The following PRKAA2 variants were observed in gnomAD, a reference collection of about 807,000 sequenced individuals.
PRKAA2 encodes 5'-AMP-activated protein kinase catalytic subunit alpha-2.
A neutral mutation model predicts 56.3 loss-of-function variants in PRKAA2; 40 were observed. That is an observed-to-expected ratio of 0.71 (90% CI 0.55 to 0.92). The LOEUF is 0.92. Among genes scored for constraint, PRKAA2 ranks in the 40% least tolerant of loss-of-function variants. PRKAA2 has a pLI of 0.00. For synonymous variants in PRKAA2, 214 were observed against 234.2 expected (o/e 0.91, Z 0.79); for missense variants, 542 against 686.9 (o/e 0.79, Z 2.36).
At chr1:56,685,353 T>C (rs548063621) in intron 2 of PRKAA2, among the ~76,000 whole-genome samples, 1 of 152,230 alleles carries the variant, frequency 6.6e-6, no homozygotes, top group African/African-American at 2.4e-5. Flanking sequence ...TTGATGACTA[T>C]AATGTGAAAA....
intron 2 of PRKAA2, among the ~76,000 whole-genome samples, chr1:56,682,144 C>T (rs1481448822): frequency 6.6e-6 from 1 of 152,006 alleles, no homozygotes; most frequent in Admixed American, 6.6e-5. Flanking sequence ...TATTGAGCAC[C>T]TACTATGGGT....
chr1:56,677,911 C>T (rs1644125175), intron 2 of PRKAA2, among the ~76,000 whole-genome samples: 1 of 152,176 alleles, frequency 6.6e-6, no homozygotes, highest in South Asian at 2.1e-4. Context: ...CCTGCCGCAG[C>T]CTCCCAAAGT....
At chr1:56,690,240 C>T (rs1032303762) in intron 2 of PRKAA2, among the ~76,000 whole-genome samples, 7 of 151,566 alleles carry the variant, frequency 4.6e-5, no homozygotes, top group East Asian at 1.9e-4. Context: ...CTTGGCTCAC[C>T]GCAAGCTCTG....
At chr1:56,676,656 C>T (rs1314917026) in intron 2 of PRKAA2, among the ~76,000 whole-genome samples, 1 of 152,146 alleles carries the variant, frequency 6.6e-6, no homozygotes, top group Admixed American at 6.5e-5. Context: ...TTCTTGAAAT[C>T]CTTAAATAAA....
At position 56,705,759 on chromosome 1, in the gene PRKAA2, C is replaced by T. The variant is rs567411014; in HGVS notation, c.1294-333C>T. On this transcript the variant is annotated intron_variant, in intron 7 of 8. Transcript: ENST00000371244. ...ACATGTTCAGGCAGAGACTGGACAA[C>T]CAAATTAGAATTGATGTTTTAGAGT... Among the ~76,000 whole-genome samples the T allele has an allele frequency of 2.5e-4, 38 of 152,268 alleles. 1 individual carries two copies. The highest frequency in any genetic ancestry group is 2.4e-3 in the Admixed American group (37 of 15,296).
intron 2 of PRKAA2, among the ~76,000 whole-genome samples, chr1:56,675,816 AT>A (rs1644109075): frequency 6.6e-6 from 1 of 152,202 alleles, no homozygotes; most frequent in South Asian, 2.1e-4. Flanking sequence ...AATGTGACAA[AT>A]AACAGTGTTT....
In PRKAA2 at chr1:56,712,917, C is replaced by A. The variant is rs1314417026; in HGVS notation, c.*5204C>A. The stretch of plus-strand genomic sequence containing the variant: ...CTGTCTAAATTGTTATAGTTTTTGA[C>A]TATTATCTGAATTAGTCTTATCCAA... On this transcript the variant is annotated 3_prime_UTR_variant, in exon 9 of 9. Transcript: ENST00000371244. 1.3e-5 allele frequency: 2 copies of A among 151,838 alleles called. No individual in the cohort carries two copies. The highest frequency in any genetic ancestry group is 2.9e-5 in the Non-Finnish European group (2 of 67,942). The allele number at this position is 151,838 out of a possible 1,614,324, so 9.4% of individuals were successfully genotyped here.
intron 6 of PRKAA2, among the ~76,000 whole-genome samples, chr1:56,700,113 T>C (rs1288917987): frequency 6.6e-6 from 1 of 152,214 alleles, no homozygotes; most frequent in African/African-American, 2.4e-5. Flanking sequence ...ACCTAGAGTT[T>C]ATAATTGTCG....
rs1644373417 is a variant in PRKAA2 at position 56,712,244 on chromosome 1, A to G, written c.*4531A>G. The G allele has an allele frequency of 6.6e-6, 1 of 152,194 alleles. No individual in the cohort carries two copies. Among genetic ancestry groups the G allele is most frequent in the Non-Finnish European group, 1.5e-5 (1 of 68,040 alleles). The allele number at this position is 152,194 out of a possible 1,614,324, so 9.4% of individuals were successfully genotyped here. ...GCAGTGATCAATTGCTCTTTATAGGAAACCACCTTTCCTCTGGGGAAGAAC... is the reference window on the plus strand; with the variant it reads ...GCAGTGATCAATTGCTCTTTATAGGGAACCACCTTTCCTCTGGGGAAGAAC... On this transcript the variant is annotated 3_prime_UTR_variant, in exon 9 of 9. Coordinates refer to ENST00000371244, the MANE Select transcript of PRKAA2 (RefSeq NM_006252.4).
At chr1:56,668,034 A>T (rs1644047797) in intron 1 of PRKAA2, among the ~76,000 whole-genome samples, 1 of 152,216 alleles carries the variant, frequency 6.6e-6, no homozygotes, top group Admixed American at 6.5e-5. Flanking sequence ...TTTAGATAAA[A>T]TACGATGATA....
intron 1 of PRKAA2, among the ~76,000 whole-genome samples, chr1:56,647,422 G>A (rs1646652149): frequency 6.6e-6 from 1 of 152,190 alleles, no homozygotes; most frequent in Admixed American, 6.5e-5. Flanking sequence ...TGAATGTAGA[G>A]TAGAATACTC....
chr1:56,677,955 G>T (rs1314242515), intron 2 of PRKAA2, among the ~76,000 whole-genome samples: 2 of 152,040 alleles, frequency 1.3e-5, no homozygotes, highest in Non-Finnish European at 2.9e-5. Flanking sequence ...CTGCGCCCAG[G>T]CCCGAAGACT....
chr1:56,649,726 G>A (rs894549530), intron 1 of PRKAA2, among the ~76,000 whole-genome samples: 14 of 152,058 alleles, frequency 9.2e-5, no homozygotes, highest in Non-Finnish European at 1.5e-4. Flanking sequence ...CAGTCTATCT[G>A]CCTCAGCCTC....
At position 56,659,511 on chromosome 1, in the gene PRKAA2, GA is replaced by G. The variant is rs113217524; in HGVS notation, c.94+14039del. Among the ~76,000 whole-genome samples, 37 of 147,724 alleles carry G rather than the reference GA, an allele frequency of 2.5e-4. 1 individual carries two copies. Among genetic ancestry groups the G allele is most frequent in the Admixed American group, 8.1e-4 (12 of 14,840 alleles). On this transcript the variant is annotated intron_variant, in intron 1 of 8. Coordinates refer to ENST00000371244, the MANE Select transcript of PRKAA2 (RefSeq NM_006252.4). ...GACTCTGTCTCAAAAAAAAAAAAAG[GA>G]AAAAAAAAGGTATTAAATATTTTAT... is the stretch of plus-strand genomic sequence containing the variant.
At chr1:56,697,307 A>C (rs1644265408) in intron 6 of PRKAA2, among the ~76,000 whole-genome samples, 1 of 152,056 alleles carries the variant, frequency 6.6e-6, no homozygotes, top group African/African-American at 2.4e-5. Flanking sequence ...TACAAGTGTG[A>C]GTCGTTGCAC....
At chr1:56,648,955 C>T (rs1182591760) in intron 1 of PRKAA2, among the ~76,000 whole-genome samples, 2 of 152,168 alleles carry the variant, frequency 1.3e-5, no homozygotes, top group Non-Finnish European at 2.9e-5. Flanking sequence ...ATTGTGGATA[C>T]AGATCCTTTA....
At chr1:56,665,036 G>T (rs183837556) in intron 1 of PRKAA2, among the ~76,000 whole-genome samples, 2 of 150,728 alleles carry the variant, frequency 1.3e-5, no homozygotes, top group Admixed American at 6.6e-5. Flanking sequence ...AGAATTGTCT[G>T]GTCTTTCCTG....
chr1:56,710,101 C>T lies in PRKAA2; in HGVS notation c.*2388C>T, dbSNP rs1644359902. The T allele has an allele frequency of 6.6e-6, 1 of 151,950 alleles. No individual in the cohort carries two copies. Among genetic ancestry groups the T allele is most frequent in the South Asian group, 2.1e-4 (1 of 4,812 alleles). The allele number at this position is 151,950 out of a possible 1,614,324, so 9.4% of individuals were successfully genotyped here. On this transcript the variant is annotated 3_prime_UTR_variant, in exon 9 of 9. Coordinates refer to ENST00000371244, the MANE Select transcript of PRKAA2 (RefSeq NM_006252.4). ...ATAGAGGGAAAGAATCAGTTGTTAG[C>T]CCCAAATTTCCACATTTCAGTGTTG... is the stretch of plus-strand genomic sequence containing the variant.
chr1:56,682,858 T>G (rs1644164460), intron 2 of PRKAA2, among the ~76,000 whole-genome samples: 1 of 152,142 alleles, frequency 6.6e-6, no homozygotes, highest in South Asian at 2.1e-4. Context: ...TTTGGTTGTC[T>G]GGTCACACTA....
Sources: allele counts gnomAD v4.1 joint callset (sites outside exome capture counted in the v4.1 genomes callset), GRCh38; gene constraint gnomAD v4.1.1; transcripts MANE v1.5; gene names NCBI Gene and HGNC (gene_info 2026-07-23, HGNC 2026-07-21).